The following TYW1 variants were observed in gnomAD, a reference collection of about 807,000 sequenced individuals.
TYW1 encodes tRNA-yW synthesizing protein 1 homolog, also known as S-adenosyl-L-methionine-dependent tRNA 4-demethylwyosine synthase TYW1.
A neutral mutation model predicts 96.2 loss-of-function variants in TYW1; 46 were observed. That is an observed-to-expected ratio of 0.48 (90% CI 0.38 to 0.61). The LOEUF is 0.61. Among genes scored for constraint, TYW1 ranks in the 20% least tolerant of loss-of-function variants. The pLI, the probability that TYW1 is intolerant of heterozygous loss-of-function variation, is 0.00. For synonymous variants in TYW1, 274 were observed against 323.0 expected (o/e 0.85, Z 1.63); for missense variants, 684 against 909.6 (o/e 0.75, Z 3.19).
chr7:67,198,470 G>A (rs1479947033), intron 15 of TYW1, among the ~76,000 whole-genome samples: 2 of 151,764 alleles, frequency 1.3e-5, no homozygotes, highest in Non-Finnish European at 1.5e-5. Flanking sequence ...AGAATCTCTT[G>A]AACCCGGGAG....
intron 13 of TYW1, among the ~76,000 whole-genome samples, chr7:67,174,961 GA>G (rs1457830788): frequency 1.3e-5 from 2 of 151,660 alleles, no homozygotes; most frequent in Admixed American, 1.3e-4. Flanking sequence ...AATACTAGAT[GA>G]AATGATCTAC....
At chr7:67,042,507 A>G (rs1171737908) in intron 7 of TYW1, among the ~76,000 whole-genome samples, 1 of 152,124 alleles carries the variant, frequency 6.6e-6, no homozygotes, top group Non-Finnish European at 1.5e-5. Flanking sequence ...TGGTGTGCCT[A>G]GAGTTGACTG....
At chr7:67,151,632 C>G (rs1475389181) in intron 13 of TYW1, among the ~76,000 whole-genome samples, 1 of 152,100 alleles carries the variant, frequency 6.6e-6, no homozygotes, top group Admixed American at 6.6e-5. Flanking sequence ...AACTGGTGTT[C>G]AAACAAGAAT....
chr7:67,034,460 C>T (rs1181971669), intron 7 of TYW1, among the ~76,000 whole-genome samples: 1 of 152,090 alleles, frequency 6.6e-6, no homozygotes, highest in Non-Finnish European at 1.5e-5. Flanking sequence ...AGACAGCAGT[C>T]CTCTGTTCCT....
At chr7:67,046,019 G>C (rs1795175783) in intron 7 of TYW1, among the ~76,000 whole-genome samples, 1 of 152,170 alleles carries the variant, frequency 6.6e-6, no homozygotes. Flanking sequence ...CAAGGAGATA[G>C]GAAGAAACAC....
intron 15 of TYW1, among the ~76,000 whole-genome samples, 200 bp downstream of exon 15, chr7:67,195,537 G>A (rs1022028150): frequency 9.9e-5 from 15 of 152,190 alleles, no homozygotes; most frequent in South Asian, 4.1e-4. Context: ...TTCTTGTTTA[G>A]CCCTCCTCTG....
chr7:67,137,901 G>T (rs2116095196), intron 13 of TYW1, among the ~76,000 whole-genome samples: 1 of 152,262 alleles, frequency 6.6e-6, no homozygotes, highest in Non-Finnish European at 1.5e-5. Context: ...CATCTTAGCA[G>T]CAGAGAGAGG....
intron 13 of TYW1, among the ~76,000 whole-genome samples, chr7:67,163,107 G>T (rs182102689): frequency 8.6e-5 from 13 of 151,776 alleles, no homozygotes; most frequent in Non-Finnish European, 1.6e-4. Context: ...GTAAATTTCC[G>T]CATTCTGCTT....
At chr7:67,192,286 G>C (rs934423985) in intron 14 of TYW1, among the ~76,000 whole-genome samples, 25 of 152,206 alleles carry the variant, frequency 1.6e-4, no homozygotes, top group African/African-American at 5.5e-4. Context: ...GTGGAGTCAT[G>C]ATAATGAACC....
chr7:66,998,076 G>A lies in TYW1; in HGVS notation c.16G>A (p.Asp6Asn). The A allele has an allele frequency of 1.3e-6, 2 of 1,592,970 alleles. No individual in the cohort carries two copies. The highest frequency in any genetic ancestry group is 8.5e-7 in the Non-Finnish European group (1 of 1,173,540). The change falls in exon 2 of 16, where the codon GAT (aspartate) becomes AAT (asparagine). Residue 6 changes from aspartate to asparagine, a missense_variant. Coordinates refer to ENST00000359626, the MANE Select transcript of TYW1 (RefSeq NM_018264.4). Reference sequence around the variant, plus strand: ...CATTTTAAATTTAGATCCTTCTGCGGATACATGGGACCTCTTCTCACCTTT... The same window carrying A: ...CATTTTAAATTTAGATCCTTCTGCGAATACATGGGACCTCTTCTCACCTTT... Reference protein sequence around the residue: MDPSADTWDLFSPLIS... With the variant: MDPSANTWDLFSPLIS...
chr7:67,000,296 A>T (rs1014461420), intron 3 of TYW1, among the ~76,000 whole-genome samples: 67 of 151,660 alleles, frequency 4.4e-4, no homozygotes, highest in Middle Eastern at 6.8e-3. Flanking sequence ...CAGCTATTTT[A>T]AAAAAATTTA....
intron 6 of TYW1, among the ~76,000 whole-genome samples, chr7:67,020,658 T>C (rs1794220629): frequency 6.6e-6 from 1 of 152,300 alleles, no homozygotes; most frequent in Non-Finnish European, 1.5e-5. Context: ...AATCTGACTC[T>C]TGAATTTCTC....
chr7:67,027,916 C>T (rs1350839173), intron 7 of TYW1, among the ~76,000 whole-genome samples: 3 of 130,508 alleles, frequency 2.3e-5, no homozygotes, highest in Non-Finnish European at 3.1e-5. Flanking sequence ...GGTGACAGAG[C>T]GAGACTCCAT....
chr7:67,005,215 C>T (rs1793531926), intron 3 of TYW1, among the ~76,000 whole-genome samples: 2 of 152,166 alleles, frequency 1.3e-5, no homozygotes, highest in Admixed American at 1.3e-4. Context: ...TTCATTTCGA[C>T]TGGAGAATCT....
intron 13 of TYW1, among the ~76,000 whole-genome samples, chr7:67,172,337 CTTAACTCCA>C (rs1278246910): frequency 6.6e-6 from 1 of 151,602 alleles, no homozygotes; most frequent in African/African-American, 2.4e-5. Context: ...ACTTAGAATA[CTTAACTCCA>C]TTAACTCCAT....
intron 9 of TYW1, among the ~76,000 whole-genome samples, chr7:67,061,480 T>C (rs771801124): frequency 2.6e-5 from 4 of 152,194 alleles, no homozygotes; most frequent in Non-Finnish European, 4.4e-5. Flanking sequence ...CCTCCTGAGC[T>C]AGGAAGCCAA....
chr7:67,168,038 C>T (rs188350888), intron 13 of TYW1, among the ~76,000 whole-genome samples: 35 of 152,052 alleles, frequency 2.3e-4, no homozygotes, highest in Admixed American at 2.0e-3. Context: ...TAGGTGTGAG[C>T]CCCAGCCCCC....
chr7:67,011,614 G>C (rs548485317), intron 4 of TYW1, among the ~76,000 whole-genome samples: 1 of 151,896 alleles, frequency 6.6e-6, no homozygotes, highest in Non-Finnish European at 1.5e-5. Context: ...GCTCACGCCT[G>C]TAATCCCAGC....
chr7:67,071,406 C>T (rs983614147), intron 10 of TYW1, among the ~76,000 whole-genome samples: 8 of 149,102 alleles, frequency 5.4e-5, no homozygotes, highest in Non-Finnish European at 1.2e-4. Flanking sequence ...AAAAAAGCTT[C>T]TCCCAGTCTT....
Sources: allele counts gnomAD v4.1 joint callset (sites outside exome capture counted in the v4.1 genomes callset), GRCh38; gene constraint gnomAD v4.1.1; transcripts MANE v1.5; gene names NCBI Gene and HGNC (gene_info 2026-07-23, HGNC 2026-07-21).